RGS6: variants seen among roughly 807,000 people sequenced by gnomAD.
RGS6 encodes the protein regulator of G-protein signaling 6.
Under a neutral mutation model 78.5 loss-of-function variants are expected in RGS6, and 30 were observed. That is an observed-to-expected ratio of 0.38 (90% CI 0.29 to 0.52). RGS6 has a LOEUF of 0.52. Ranked by LOEUF, RGS6 falls within the 20% of genes least tolerant of loss-of-function variation. RGS6 has a pLI of 0.85. For synonymous variants in RGS6, 206 were observed against 206.0 expected (o/e 1.00, Z 0.00); for missense variants, 495 against 609.7 (o/e 0.81, Z 1.98).
At chr14:72,101,879 C>T (rs976228540) in intron 2 of RGS6, among the ~76,000 whole-genome samples, 37 of 152,154 alleles carry the variant, frequency 2.4e-4, no homozygotes, top group African/African-American at 8.0e-4. Flanking sequence ...ATTCTCTGAT[C>T]CTTTGGAAGT....
chr14:72,606,174 C>G, the RGS6 span, among the ~76,000 whole-genome samples: 1 of 152,130 alleles, frequency 6.6e-6, no homozygotes, highest in Non-Finnish European at 1.5e-5. Flanking sequence ...CAAGGCACTG[C>G]ATGGAAACAC....
rs2050717859 is a variant in RGS6, at chr14:72,235,265, GA to G, written c.85-116828del. On this transcript the variant is annotated intron_variant, in intron 2 of 17. Transcript: ENST00000553525. ...CCACCTTCAGTTTGGTGAGGTGACA[GA>G]AGGGAGGAAAATATGAGAAGATCTG... is the stretch of plus-strand genomic sequence containing the variant. 3.9e-5 allele frequency among the ~76,000 whole-genome samples: 6 copies of G among 152,162 alleles called. No homozygotes were observed. In the South Asian group the frequency reaches 1.2e-3, roughly 32 times the overall value.
At chr14:72,089,167 A>G (rs540737012) in intron 2 of RGS6, among the ~76,000 whole-genome samples, 23 of 152,348 alleles carry the variant, frequency 1.5e-4, no homozygotes, top group Middle Eastern at 3.4e-3. Flanking sequence ...CCTTGTGCCC[A>G]CAACAGTGAC....
intron 2 of RGS6, among the ~76,000 whole-genome samples, chr14:72,026,780 T>C (rs1389151245): frequency 1.3e-5 from 2 of 152,166 alleles, no homozygotes; most frequent in African/African-American, 4.8e-5. Flanking sequence ...GAGTTCTGTG[T>C]CAGATACTAA....
At chr14:71,964,729 T>G in intron 1 of RGS6, 43 bp from the exon 2 acceptor site, 2 of 1,388,648 alleles carry the variant, frequency 1.4e-6, no homozygotes, top group Non-Finnish European at 2.0e-6. Context: ...CCTCTTTATA[T>G]AATTCCTTCG....
chr14:71,993,294 C>T (rs1024454614), intron 2 of RGS6, among the ~76,000 whole-genome samples: 15 of 140,876 alleles, frequency 1.1e-4, no homozygotes, highest in East Asian at 4.2e-4. Flanking sequence ...CCATGAACAG[C>T]GCACACTTTG....
the RGS6 span, among the ~76,000 whole-genome samples, chr14:72,622,103 G>A: frequency 6.6e-6 from 1 of 152,208 alleles, no homozygotes; most frequent in Non-Finnish European, 1.5e-5. Flanking sequence ...TCATGGAGAA[G>A]TGTCCATGAA....
chr14:71,875,387 A>G, the RGS6 span, among the ~76,000 whole-genome samples: 11 of 152,042 alleles, frequency 7.2e-5, no homozygotes, highest in African/African-American at 2.7e-4. Context: ...GTGTTTGTGT[A>G]TGGGAATTTA....
intron 12 of RGS6, among the ~76,000 whole-genome samples, chr14:72,484,246 A>G (rs1223913627): frequency 6.6e-6 from 1 of 152,226 alleles, no homozygotes; most frequent in Non-Finnish European, 1.5e-5. Flanking sequence ...GTATTTCTAA[A>G]GTAGGACTAA....
At chr14:72,424,351 A>C (rs891483933) in intron 3 of RGS6, among the ~76,000 whole-genome samples, 17 of 152,340 alleles carry the variant, frequency 1.1e-4, no homozygotes, top group Admixed American at 9.8e-4. Flanking sequence ...GATTCAAAGA[A>C]GTAAAGAGTA....
chr14:72,171,815 C>T (rs2097023912), intron 2 of RGS6, among the ~76,000 whole-genome samples: 1 of 152,166 alleles, frequency 6.6e-6, no homozygotes, highest in Non-Finnish European at 1.5e-5. Context: ...TGCATTTTAT[C>T]ATTTAACCCT....
chr14:72,014,442 CA>C (rs2086531620), intron 2 of RGS6, among the ~76,000 whole-genome samples: 2 of 152,274 alleles, frequency 1.3e-5, no homozygotes, highest in Admixed American at 6.5e-5. Flanking sequence ...TTGAGTCTAA[CA>C]AATACTCATT....
At chr14:72,597,017 T>C in the RGS6 span, among the ~76,000 whole-genome samples, 1 of 152,138 alleles carries the variant, frequency 6.6e-6, no homozygotes, top group Non-Finnish European at 1.5e-5. Flanking sequence ...AGTAGGTAGA[T>C]AACTGGAGGT....
At chr14:72,307,162 T>C (rs1369296471) in intron 2 of RGS6, among the ~76,000 whole-genome samples, 1 of 152,220 alleles carries the variant, frequency 6.6e-6, no homozygotes, top group African/African-American at 2.4e-5. Flanking sequence ...AGATGATCCT[T>C]AGCATTTTTA....
intron 2 of RGS6, among the ~76,000 whole-genome samples, chr14:72,158,953 C>A (rs968407309): frequency 6.6e-5 from 10 of 152,182 alleles, no homozygotes; most frequent in African/African-American, 2.4e-4. Context: ...ATTCTTCCTT[C>A]ATCTGAACAA....
intron 2 of RGS6, among the ~76,000 whole-genome samples, chr14:71,993,559 A>G (rs759132689): frequency 1.5e-4 from 23 of 152,336 alleles, no homozygotes; most frequent in Middle Eastern, 3.4e-3. Context: ...ACATAAAGAA[A>G]TTAACACAGA....
intron 2 of RGS6, among the ~76,000 whole-genome samples, chr14:72,133,228 C>A (rs564736926): frequency 4.6e-5 from 7 of 152,256 alleles, no homozygotes; most frequent in African/African-American, 1.7e-4. Flanking sequence ...GGTGGTATTT[C>A]TTTTCCATAT....
intron 17 of RGS6, among the ~76,000 whole-genome samples, chr14:72,543,214 C>G (rs996069128): frequency 6.6e-6 from 1 of 152,252 alleles, no homozygotes; most frequent in Non-Finnish European, 1.5e-5. Context: ...GAAAACAAGA[C>G]TCCCTCTGGT....
At position 72,489,248 on chromosome 14, in the gene RGS6, C is replaced by T. The variant is rs534868536; in HGVS notation, c.855-5904C>T. 5.3e-5 allele frequency among the ~76,000 whole-genome samples: 8 copies of T among 151,084 alleles called. No homozygotes were observed. The South Asian group carries it at 1.5e-3, about 28-fold the overall frequency. Reference sequence around the variant, plus strand: ...TTGGGAGAACCCCCCAATATGTCATCGTGACTCAGATCCTCTGGGGCACCT... The same window carrying T: ...TTGGGAGAACCCCCCAATATGTCATTGTGACTCAGATCCTCTGGGGCACCT... On this transcript the variant is annotated intron_variant, in intron 12 of 17. Coordinates refer to ENST00000553525, the MANE Select transcript of RGS6 (RefSeq NM_001204424.2).
Sources: gnomAD v4.1 joint callset for allele counts (sites outside exome capture counted in the v4.1 genomes callset) on GRCh38, gnomAD v4.1.1 for gene constraint, MANE v1.5 for transcripts, NCBI Gene and HGNC (gene_info 2026-07-23, HGNC 2026-07-21) for gene names.